Variants in ATP2C2 observed in about 807,000 individuals in gnomAD.
ATP2C2 encodes the protein ATPase secretory pathway Ca2+ transporting 2, also known as calcium-transporting ATPase type 2C member 2.
In ATP2C2, 171 loss-of-function variants were observed where a neutral mutation model predicts 110.8. The observed-to-expected ratio is 1.54, with a 90% CI of 1.36 to 1.75. The LOEUF (loss-of-function observed/expected upper bound fraction) is 1.75, where lower values mean the gene tolerates loss of function less well. Ranked by LOEUF, ATP2C2 falls within the 40% of genes most tolerant of loss-of-function variation. The probability of loss-of-function intolerance (pLI) is 0.00; values close to 1 mark genes in which losing one functional copy is unlikely to be tolerated. For missense variants in ATP2C2, 1,963 were observed against 1,235.0 expected (o/e 1.59, Z -8.84); for synonymous variants, 804 against 508.4 (o/e 1.58, Z -7.82).
chr16:84,437,313 C>T (rs952258387), intron 11 of ATP2C2, among the ~76,000 whole-genome samples: 12 of 152,042 alleles, frequency 7.9e-5, no homozygotes, highest in African/African-American at 2.4e-4. Context: ...CCTACCTCAG[C>T]CTCCTCAGTA....
At chr16:84,425,932 C>A in intron 11 of ATP2C2, 131 bp downstream of exon 11, 1 of 1,097,568 alleles carries the variant, frequency 9.1e-7, no homozygotes, top group Non-Finnish European at 1.4e-6. Flanking sequence ...GTCACCCAAA[C>A]TCCAGCCTCC....
chr16:84,369,783 T>C (rs763123364), intron 1 of ATP2C2, among the ~76,000 whole-genome samples: 1 of 152,258 alleles, frequency 6.6e-6, no homozygotes, highest in Admixed American at 6.5e-5. Flanking sequence ...TTTGTGCTTT[T>C]TTAAAAATAG....
At chr16:84,379,594 G>A (rs1464598545) in intron 1 of ATP2C2, among the ~76,000 whole-genome samples, 1 of 152,164 alleles carries the variant, frequency 6.6e-6, no homozygotes, top group Non-Finnish European at 1.5e-5. Flanking sequence ...AGAAACTCTG[G>A]GCGGGGTCCC....
In ATP2C2 at chr16:84,453,158, A is replaced by G; in HGVS notation, c.1852A>G (p.Asn618Asp). ...TGAAGGAAGAAACATCGGCCTGTGC[A>G]ACGGGAAGCTGCAAGCCATGTCCGG... ...LAIGRNIGLC[N>D]GKLQAMSGEE... Residue 618 changes from asparagine to aspartate, a missense_variant, in exon 19 of 27, where the codon AAC (asparagine) becomes GAC (aspartate). Asn to Asp is a conservative substitution (Grantham distance 23, BLOSUM62 1). Coordinates refer to ENST00000262429, the MANE Select transcript of ATP2C2 (RefSeq NM_014861.4). 2 of 1,613,440 alleles carry G rather than the reference A, an allele frequency of 1.2e-6. No homozygotes were observed. The highest frequency in any genetic ancestry group is 1.7e-6 in the Non-Finnish European group (2 of 1,179,644).
At chr16:84,394,659 C>G (rs750403303) in intron 1 of ATP2C2, among the ~76,000 whole-genome samples, 1 of 152,134 alleles carries the variant, frequency 6.6e-6, no homozygotes, top group Non-Finnish European at 1.5e-5. Flanking sequence ...AGGGGAGGAT[C>G]TGTTCCACGC....
intron 16 of ATP2C2, among the ~76,000 whole-genome samples, chr16:84,447,904 T>TA (rs1258324307): frequency 9.8e-5 from 1 of 10,192 alleles, no homozygotes; most frequent in African/African-American, 1.5e-4. Flanking sequence ...ATATAATTAA[T>TA]ATTATATTAT....
chr16:84,430,400 GGACAC>G (rs1567718284), intron 11 of ATP2C2, among the ~76,000 whole-genome samples: 2 of 151,838 alleles, frequency 1.3e-5, no homozygotes, highest in African/African-American at 4.8e-5. Flanking sequence ...CAGCACTTTT[GGACAC>G]TGAGGCAGAC....
Position 84,448,648 on chromosome 16 carries a change from G to A in ATP2C2, c.1619G>A (p.Cys540Tyr). ...CTGACGCCCCAGCAGAGGTCATTCTGCCTGCAGGAAGAGAAGAGGATGGGG... is the reference window on the plus strand; with the variant it reads ...CTGACGCCCCAGCAGAGGTCATTCTACCTGCAGGAAGAGAAGAGGATGGGG... ...LPLTPQQRSF[C>Y]LQEEKRMGSL... is the part of the protein sequence containing the mutation. Residue 540 changes from cysteine to tyrosine, a missense_variant, in exon 17 of 27, where the codon TGC (cysteine) becomes TAC (tyrosine). Transcript: ENST00000262429. The A allele has an allele frequency of 1.2e-6, 2 of 1,613,922 alleles. No individual in the cohort carries two copies. Among genetic ancestry groups the A allele is most frequent in the South Asian group, 1.1e-5 (1 of 91,036 alleles).
At chr16:84,380,348 G>GT (rs944096511) in intron 1 of ATP2C2, among the ~76,000 whole-genome samples, 5 of 151,958 alleles carry the variant, frequency 3.3e-5, no homozygotes, top group Non-Finnish European at 5.9e-5. Context: ...GGAATTGTAT[G>GT]TTTTTTTTCT....
chr16:84,382,894 TAAAAAAAAAA>T (rs1170344466), intron 1 of ATP2C2, among the ~76,000 whole-genome samples: 1 of 91,758 alleles, frequency 1.1e-5, no homozygotes, highest in Non-Finnish European at 2.1e-5. Flanking sequence ...AGACTCCATC[TAAAAAAAAAA>T]AAAAAAAAAA....
At position 84,426,295 on chromosome 16, in the gene ATP2C2, C is replaced by T. The variant is rs551147298; in HGVS notation, c.986+494C>T. Among the ~76,000 whole-genome samples, 28 of 152,250 alleles carry T rather than the reference C, an allele frequency of 1.8e-4. No homozygotes were observed. In the South Asian group the frequency reaches 5.4e-3, roughly 29 times the overall value. On this transcript the variant is annotated intron_variant, in intron 11 of 26. Transcript: ENST00000262429. The stretch of plus-strand genomic sequence containing the variant: ...AACAATTAGATCTCTCAGGAACTCA[C>T]TCCAGCAAGAACGGCTCGAAGGAGA...
intron 20 of ATP2C2, among the ~76,000 whole-genome samples, chr16:84,454,372 G>A (rs1164300808): frequency 6.6e-6 from 1 of 152,170 alleles, no homozygotes; most frequent in East Asian, 1.9e-4. Flanking sequence ...AGCTCTTTTA[G>A]TAGACGGGCT....
intron 11 of ATP2C2, 175 bp downstream of exon 11, chr16:84,425,976 C>T (rs769793552): frequency 1.5e-4 from 100 of 683,524 alleles, no homozygotes; most frequent in Non-Finnish European, 1.9e-4. Context: ...ACAGAGTGCC[C>T]GGCGAATGCT....
chr16:84,398,464 C>A (rs767419501), intron 1 of ATP2C2, 35 bp from the exon 2 acceptor site: 20 of 1,435,902 alleles, frequency 1.4e-5, no homozygotes, highest in Non-Finnish European at 1.5e-5. Flanking sequence ...TACAAAAGTT[C>A]AATCCGCTAA....
chr16:84,396,452 A>G (rs1904983157), intron 1 of ATP2C2, among the ~76,000 whole-genome samples: 1 of 146,968 alleles, frequency 6.8e-6, no homozygotes, highest in Non-Finnish European at 1.5e-5. Flanking sequence ...GGGGAGGGTG[A>G]GGCAGGAGAC....
intron 1 of ATP2C2, among the ~76,000 whole-genome samples, chr16:84,373,104 A>C (rs1215567317): frequency 6.8e-6 from 1 of 147,592 alleles, no homozygotes; most frequent in African/African-American, 2.5e-5. Context: ...TGGAAGACAG[A>C]GCGAGACTCC....
intron 17 of ATP2C2, among the ~76,000 whole-genome samples, chr16:84,450,789 T>G (rs1910187207): frequency 6.6e-6 from 1 of 151,252 alleles, no homozygotes; most frequent in Non-Finnish European, 1.5e-5. Context: ...ACAGCAAGAG[T>G]CCCCTCAGCT....
At chr16:84,420,396 G>A (rs1309552206) in intron 7 of ATP2C2, among the ~76,000 whole-genome samples, 3 of 151,184 alleles carry the variant, frequency 2.0e-5, no homozygotes, top group Admixed American at 6.6e-5. Flanking sequence ...TCTTCCAAAC[G>A]CCTTCTCCTC....
chr16:84,450,117 C>G (rs887403857), intron 17 of ATP2C2, among the ~76,000 whole-genome samples: 1 of 152,214 alleles, frequency 6.6e-6, no homozygotes, highest in African/African-American at 2.4e-5. Context: ...GGGTCAGTGG[C>G]GGAGGAGCAG....
Sources: gnomAD v4.1 joint callset for allele counts (sites outside exome capture counted in the v4.1 genomes callset) on GRCh38, gnomAD v4.1.1 for gene constraint, MANE v1.5 for transcripts, NCBI Gene and HGNC (gene_info 2026-07-23, HGNC 2026-07-21) for gene names.